The following RHBDD1 variants were observed in gnomAD, a reference collection of about 807,000 sequenced individuals.
The protein encoded by RHBDD1 is rhomboid-related protein 4.
Under a neutral mutation model 36.3 loss-of-function variants are expected in RHBDD1, and 38 were observed. The ratio of observed to expected loss-of-function variants is 1.05; its 90% CI spans 0.81 to 1.37. RHBDD1 has a LOEUF of 1.37. RHBDD1 is among the 40% of genes most tolerant of loss of function. The pLI is 0.00. For synonymous variants in RHBDD1, 151 were observed against 136.5 expected, an observed-to-expected ratio of 1.11 and a Z score of -0.74; for missense variants, 393 against 377.6, an observed-to-expected ratio of 1.04 and a Z score of -0.34.
the RHBDD1 span, among the ~76,000 whole-genome samples, chr2:226,822,083 T>C: frequency 6.6e-6 from 1 of 152,182 alleles, no homozygotes; most frequent in East Asian, 1.9e-4. Flanking sequence ...TTCTTGCTCA[T>C]TGTAAGTCAA....
the RHBDD1 span, among the ~76,000 whole-genome samples, chr2:226,818,152 ATTT>A: frequency 7.2e-3 from 617 of 86,214 alleles, 2 homozygotes; most frequent in African/African-American, 0.026. Flanking sequence ...TCCAAACAGT[ATTT>A]TTTTTTTTTT....
intron 5 of RHBDD1, among the ~76,000 whole-genome samples, chr2:226,882,714 C>T (rs921542077): frequency 6.6e-6 from 1 of 152,014 alleles, no homozygotes; most frequent in African/African-American, 2.4e-5. Flanking sequence ...TCTGGCATAT[C>T]ATGTAGTAGT....
At chr2:226,950,997 T>C (rs1484966987) in intron 8 of RHBDD1, among the ~76,000 whole-genome samples, 1 of 152,218 alleles carries the variant, frequency 6.6e-6, no homozygotes, top group Non-Finnish European at 1.5e-5. Context: ...CTATTCTTGA[T>C]TTTGTCGACC....
the RHBDD1 span, chr2:226,804,929 A>G: frequency 6.6e-6 from 1 of 152,284 alleles, no homozygotes; most frequent in African/African-American, 2.4e-5. Flanking sequence ...AGGCAGAAGC[A>G]GAAAGATCCT....
chr2:226,886,335 G>A (rs1488249068), intron 5 of RHBDD1, among the ~76,000 whole-genome samples: 2 of 152,170 alleles, frequency 1.3e-5, no homozygotes, highest in African/African-American at 4.8e-5. Context: ...ATAGCAAAAT[G>A]TAAAAATAGC....
chr2:226,818,866 A>C, the RHBDD1 span, among the ~76,000 whole-genome samples: 1 of 151,980 alleles, frequency 6.6e-6, no homozygotes. Context: ...CAAAAACAAA[A>C]AAACAAAAAA....
intron 5 of RHBDD1, among the ~76,000 whole-genome samples, chr2:226,903,155 G>A (rs915381417): frequency 6.6e-6 from 1 of 152,052 alleles, no homozygotes; most frequent in African/African-American, 2.4e-5. Context: ...ACTATTAATA[G>A]GTGGCCGATT....
chr2:226,871,132 A>AT (rs1944766802), intron 5 of RHBDD1, among the ~76,000 whole-genome samples: 1 of 152,024 alleles, frequency 6.6e-6, no homozygotes, highest in Non-Finnish European at 1.5e-5. Flanking sequence ...GAAAAAATAT[A>AT]TTTTTTACTT....
chr2:226,989,541 G>C (rs1268374984), intron 8 of RHBDD1, among the ~76,000 whole-genome samples: 1 of 152,170 alleles, frequency 6.6e-6, no homozygotes, highest in African/African-American at 2.4e-5. Context: ...AGGGGTAGGG[G>C]AGCAGTAAAC....
chr2:226,988,251 C>T, intron 8 of RHBDD1: 5 of 1,320,894 alleles, frequency 3.8e-6, no homozygotes, highest in Non-Finnish European at 5.1e-6. Flanking sequence ...GAGTAGGACT[C>T]ATATCAGGGC....
chr2:226,803,182 G>T, the RHBDD1 span, among the ~76,000 whole-genome samples: 2 of 152,212 alleles, frequency 1.3e-5, no homozygotes, highest in Admixed American at 1.3e-4. Flanking sequence ...ATTTTAAGAT[G>T]GCTCAATAGT....
chr2:226,835,874 C>A (rs1231605627), upstream of RHBDD1: 1 of 152,466 alleles, frequency 6.6e-6, no homozygotes, highest in Admixed American at 6.5e-5. Context: ...GCTGTGCCCT[C>A]GCGGCCCCCT....
At chr2:226,982,249 G>C (rs1421714724) in intron 8 of RHBDD1, among the ~76,000 whole-genome samples, 1 of 152,242 alleles carries the variant, frequency 6.6e-6, no homozygotes, top group Non-Finnish European at 1.5e-5. Context: ...TCTCAGAGCA[G>C]TTTGTCTTCC....
At chr2:226,971,019 G>A (rs1211353679) in intron 8 of RHBDD1, among the ~76,000 whole-genome samples, 1 of 152,186 alleles carries the variant, frequency 6.6e-6, no homozygotes, top group African/African-American at 2.4e-5. Context: ...GTTATAAATA[G>A]TTGAGATGGT....
intron 8 of RHBDD1, among the ~76,000 whole-genome samples, chr2:226,950,400 A>G (rs942935957): frequency 1.3e-5 from 2 of 152,214 alleles, no homozygotes; most frequent in South Asian, 2.1e-4. Context: ...AAGGCTGAAT[A>G]GTATTCATTG....
chr2:226,923,770 T>A (rs1272131386), intron 8 of RHBDD1, among the ~76,000 whole-genome samples: 1 of 152,048 alleles, frequency 6.6e-6, no homozygotes, highest in Non-Finnish European at 1.5e-5. Context: ...TTCTTTCTTC[T>A]GCTTGGTCAA....
intron 7 of RHBDD1, among the ~76,000 whole-genome samples, chr2:226,912,383 C>T (rs185397047): frequency 1.3e-3 from 191 of 152,222 alleles, no homozygotes; most frequent in Non-Finnish European, 2.4e-3. Flanking sequence ...AACCATATGT[C>T]CACCTAAAAA....
intron 3 of RHBDD1, among the ~76,000 whole-genome samples, chr2:226,840,582 C>T (rs1309823472): frequency 6.6e-6 from 1 of 152,280 alleles, no homozygotes; most frequent in Non-Finnish European, 1.5e-5. Flanking sequence ...GATAAAGAAA[C>T]AGAAGCTCTA....
chr2:226,849,624 CTT>C (rs1942589871), intron 3 of RHBDD1, among the ~76,000 whole-genome samples: 1 of 152,248 alleles, frequency 6.6e-6, no homozygotes, highest in Admixed American at 6.5e-5. Context: ...CGGATGTCCT[CTT>C]TGCCTTCTAT....
Sources: gnomAD v4.1 joint callset for allele counts (sites outside exome capture counted in the v4.1 genomes callset) on GRCh38, gnomAD v4.1.1 for gene constraint, MANE v1.5 for transcripts, NCBI Gene and HGNC (gene_info 2026-07-23, HGNC 2026-07-21) for gene names.